ANGPT1: variants seen among roughly 807,000 people sequenced by gnomAD.
ANGPT1 encodes the protein angiopoietin-1.
ANGPT1 carries 17 observed loss-of-function variants against 62.2 expected under a neutral mutation model. The observed-to-expected ratio is 0.27, with a 90% CI of 0.19 to 0.41. ANGPT1 has a LOEUF of 0.41. ANGPT1 is among the 10% of genes least tolerant of loss of function. The probability of loss-of-function intolerance (pLI) is 1.00; values close to 1 mark genes in which losing one functional copy is unlikely to be tolerated. For synonymous variants in ANGPT1, 199 were observed against 198.9 expected (o/e 1.00, Z 0.00); for missense variants, 478 against 594.9 (o/e 0.80, Z 2.04).
rs886450805 is a variant in ANGPT1 at position 107,347,184 on chromosome 8, C to T, written c.298-87G>A. The stretch of plus-strand genomic sequence containing the variant: ...TAATATTTACAATAACAAAACAAGA[C>T]ACCGCTGGCAAATCAGCCATCTGGC... On this transcript the variant is annotated intron_variant, in intron 1 of 8. Coordinates refer to ENST00000517746, the MANE Select transcript of ANGPT1 (RefSeq NM_001146.5). 15 of 1,356,232 alleles carry T rather than the reference C, an allele frequency of 1.1e-5. No homozygotes were observed. The African/African-American group carries it at 1.9e-4, about 17-fold the overall frequency. The allele number at this position is 1,356,232 out of a possible 1,614,324, so 84.0% of individuals were successfully genotyped here. A position where few individuals can be genotyped will look rare whatever the true frequency, so the allele number is the denominator to read the frequency against.
chr8:107,385,066 T>C (rs1816707646), intron 1 of ANGPT1, among the ~76,000 whole-genome samples: 1 of 152,270 alleles, frequency 6.6e-6, no homozygotes, highest in Non-Finnish European at 1.5e-5. Context: ...ACCAGCTTTG[T>C]TATTTTGCTT....
At chr8:107,315,832 T>A (rs1427925406) in intron 4 of ANGPT1, among the ~76,000 whole-genome samples, 1 of 152,128 alleles carries the variant, frequency 6.6e-6, no homozygotes, top group East Asian at 1.9e-4. Flanking sequence ...TGCATCTGGT[T>A]TCCTGATGGA....
chr8:107,460,060 A>G (rs1489295380), intron 1 of ANGPT1, among the ~76,000 whole-genome samples: 1 of 152,126 alleles, frequency 6.6e-6, no homozygotes, highest in Non-Finnish European at 1.5e-5. Flanking sequence ...TTAGACACCC[A>G]TGTCTCTGGG....
chr8:107,289,685 T>A (rs967668653), intron 6 of ANGPT1, among the ~76,000 whole-genome samples: 1 of 152,154 alleles, frequency 6.6e-6, no homozygotes, highest in Non-Finnish European at 1.5e-5. Flanking sequence ...TGCTCTCAAC[T>A]TCTTTCCAGA....
At chr8:107,269,768 C>G (rs1031159037) in intron 7 of ANGPT1, among the ~76,000 whole-genome samples, 1 of 151,830 alleles carries the variant, frequency 6.6e-6, no homozygotes, top group African/African-American at 2.4e-5. Context: ...AAAAAGCAGC[C>G]ACGACATAGA....
At chr8:107,493,481 ATAAT>A (rs1239663517) in intron 1 of ANGPT1, among the ~76,000 whole-genome samples, 1 of 150,516 alleles carries the variant, frequency 6.6e-6, no homozygotes, top group Non-Finnish European at 1.5e-5. Flanking sequence ...TATAATTTGA[ATAAT>A]TAATAACCAC....
chr8:107,307,059 G>A (rs373401940), intron 4 of ANGPT1, among the ~76,000 whole-genome samples: 1 of 152,016 alleles, frequency 6.6e-6, no homozygotes, highest in African/African-American at 2.4e-5. Context: ...GAGTTAAAAG[G>A]TTGATCTTTA....
chr8:107,336,170 C>T lies in ANGPT1; in HGVS notation c.555G>A (p.Leu185=). ...CTCACCTGTTTTTTTCATGGATCTT[C>T]AAGATTTCATTTGTCTGTTGAAGAA... ...KQLLQQTNEI[L]KIHEKNSLLE... Residue 185 remains leucine (L), a synonymous_variant, in exon 3 of 9, where the codon TTG becomes TTA. Coordinates refer to ENST00000517746, the MANE Select transcript of ANGPT1 (RefSeq NM_001146.5). 6.2e-7 allele frequency: 1 copy of T among 1,603,760 alleles called. No homozygotes were observed. Among genetic ancestry groups the T allele is most frequent in the South Asian group, 1.1e-5 (1 of 88,728 alleles).
chr8:107,273,648 A>T (rs1211764523), intron 7 of ANGPT1, among the ~76,000 whole-genome samples: 1 of 151,966 alleles, frequency 6.6e-6, no homozygotes, highest in Non-Finnish European at 1.5e-5. Context: ...CCTGCCATTA[A>T]CTACCATACT....
intron 1 of ANGPT1, among the ~76,000 whole-genome samples, chr8:107,347,802 A>G (rs1815837473): frequency 6.6e-6 from 1 of 152,204 alleles, no homozygotes; most frequent in African/African-American, 2.4e-5. Context: ...TACAACCCAT[A>G]TAGCAGTATT....
chr8:107,271,548 T>A (rs376417690), intron 7 of ANGPT1, among the ~76,000 whole-genome samples: 1 of 151,910 alleles, frequency 6.6e-6, no homozygotes. Context: ...AGGACAGGCA[T>A]GGAGGCAACA....
intron 1 of ANGPT1, among the ~76,000 whole-genome samples, chr8:107,418,519 T>C (rs1374857008): frequency 1.3e-5 from 2 of 152,178 alleles, no homozygotes; most frequent in Non-Finnish European, 2.9e-5. Flanking sequence ...CTAATTGGGA[T>C]TGGCAATTTC....
At position 107,251,405 on chromosome 8, in the gene ANGPT1, A is replaced by G. The variant is rs1372806180; in HGVS notation, c.*450T>C. 1.9e-5 allele frequency: 3 copies of G among 159,330 alleles called. No homozygotes were observed. Among genetic ancestry groups the G allele is most frequent in the East Asian group, 3.6e-4 (2 of 5,586 alleles). 9.9% of individuals were successfully genotyped at this position (159,330 alleles called of 1,614,324 possible). A position where few individuals can be genotyped will look rare whatever the true frequency, so the allele number is the denominator to read the frequency against. The stretch of plus-strand genomic sequence containing the variant: ...AATTTGTTAGTAGGTTTGCATAGAT[A>G]TAACACCTTTTCACTGGTATAATAC... On this transcript the variant is annotated 3_prime_UTR_variant, in exon 9 of 9. Coordinates refer to ENST00000517746, the MANE Select transcript of ANGPT1 (RefSeq NM_001146.5).
intron 1 of ANGPT1, among the ~76,000 whole-genome samples, chr8:107,482,927 G>A (rs575783402): frequency 4.6e-5 from 7 of 152,182 alleles, no homozygotes; most frequent in African/African-American, 1.7e-4. Flanking sequence ...GTAATCAGAG[G>A]AGGAACAAAC....
At chr8:107,311,747 C>A (rs1814869346) in intron 4 of ANGPT1, among the ~76,000 whole-genome samples, 1 of 152,090 alleles carries the variant, frequency 6.6e-6, no homozygotes. Flanking sequence ...ATATTCAATG[C>A]CTATTACTAC....
intron 1 of ANGPT1, among the ~76,000 whole-genome samples, chr8:107,403,216 C>T (rs1817080765): frequency 6.6e-6 from 1 of 152,124 alleles, no homozygotes; most frequent in Non-Finnish European, 1.5e-5. Context: ...TAGCTCCGGG[C>T]ATCACATCTT....
At chr8:107,418,379 G>GA (rs1266162305) in intron 1 of ANGPT1, among the ~76,000 whole-genome samples, 1 of 152,074 alleles carries the variant, frequency 6.6e-6, no homozygotes, top group Non-Finnish European at 1.5e-5. Context: ...AAAAAGTTGA[G>GA]AAAAAAATGG....
At chr8:107,419,049 A>G (rs1810826946) in intron 1 of ANGPT1, among the ~76,000 whole-genome samples, 1 of 152,220 alleles carries the variant, frequency 6.6e-6, no homozygotes, top group African/African-American at 2.4e-5. Flanking sequence ...ATGTATCAAT[A>G]GTATATTTTC....
chr8:107,317,666 T>C (rs543317140), intron 4 of ANGPT1, among the ~76,000 whole-genome samples: 2 of 151,436 alleles, frequency 1.3e-5, no homozygotes, highest in Non-Finnish European at 2.9e-5. Flanking sequence ...AGTCTTACTC[T>C]GTTGCCCAGG....
Sources: gnomAD v4.1 joint callset for allele counts (sites outside exome capture counted in the v4.1 genomes callset) on GRCh38, gnomAD v4.1.1 for gene constraint, MANE v1.5 for transcripts, NCBI Gene and HGNC (gene_info 2026-07-23, HGNC 2026-07-21) for gene names.